Variants in RAD51D observed in about 807,000 individuals in gnomAD.
RAD51D encodes the protein DNA repair protein RAD51 homolog 4.
Under a neutral mutation model 44.1 loss-of-function variants are expected in RAD51D, and 38 were observed. The ratio of observed to expected loss-of-function variants is 0.86; its 90% CI spans 0.67 to 1.13. The LOEUF (loss-of-function observed/expected upper bound fraction) is 1.13, where lower values mean the gene tolerates loss of function less well. Among genes scored for constraint, RAD51D ranks in the 50% most tolerant of loss-of-function variants. RAD51D has a pLI of 0.00. For synonymous variants in RAD51D, 141 were observed against 166.6 expected (o/e 0.85, Z 1.18); for missense variants, 390 against 414.0 (o/e 0.94, Z 0.50).
rs1060502952 is a variant in RAD51D, at chr17:35,101,365, C to G, written c.739G>C (p.Val247Leu). ...LARDLGMAVV[V>L]TNHITRDRDS... ...CTGTCTCGAGTTATGTGGTTGGTCACCTGCAGCAGAAACAGACTTACAGAT... is the reference window on the plus strand; with the variant it reads ...CTGTCTCGAGTTATGTGGTTGGTCAGCTGCAGCAGAAACAGACTTACAGAT... The change falls in exon 9 of 10, where the codon GTG (valine) becomes CTG (leucine). Residue 247 changes from valine to leucine, a missense_variant and splice_region_variant. Transcript: ENST00000345365. 1.2e-6 allele frequency: 2 copies of G among 1,613,500 alleles called. No homozygotes were observed. Among genetic ancestry groups the G allele is most frequent in the East Asian group, 2.2e-5 (1 of 44,882 alleles).
chr17:35,118,273 A>AC (rs1195820323), intron 3 of RAD51D, among the ~76,000 whole-genome samples: 1 of 151,856 alleles, frequency 6.6e-6, no homozygotes, highest in African/African-American at 2.4e-5. Context: ...GACAGCCTCC[A>AC]CCCCCCAACA....
chr17:35,117,170 GC>G (rs2091760618), intron 3 of RAD51D: 1 of 973,212 alleles, frequency 1.0e-6, no homozygotes, highest in Non-Finnish European at 1.5e-6. Flanking sequence ...CCAACTAGAG[GC>G]CTTAAGGGCA....
chr17:35,116,255 C>A (rs983365281), intron 3 of RAD51D, among the ~76,000 whole-genome samples: 1 of 152,170 alleles, frequency 6.6e-6, no homozygotes, highest in African/African-American at 2.4e-5. Flanking sequence ...CTCTGCCACC[C>A]TTCCACCCTG....
rs1359852135 is a variant in RAD51D at position 35,097,320 on chromosome 17, A to G, written c.*3633T>C. Reference sequence around the variant, plus strand: ...TTTTTAGTAGAGACAGGGTTTCACTATATAGGCCAGGCTGGTCTTGAACTC... The same window carrying G: ...TTTTTAGTAGAGACAGGGTTTCACTGTATAGGCCAGGCTGGTCTTGAACTC... On this transcript the variant is annotated 3_prime_UTR_variant, in exon 10 of 10. Transcript: ENST00000345365. The G allele has an allele frequency of 2.0e-5, 3 of 152,148 alleles. No individual in the cohort carries two copies. Among genetic ancestry groups the G allele is most frequent in the Non-Finnish European group, 2.9e-5 (2 of 68,044 alleles). The allele number at this position is 152,148 out of a possible 1,614,324, so 9.4% of individuals were successfully genotyped here.
At chr17:35,117,749 G>A (rs138633683) in intron 3 of RAD51D, among the ~76,000 whole-genome samples, 18 of 152,218 alleles carry the variant, frequency 1.2e-4, no homozygotes, top group African/African-American at 2.9e-4. Flanking sequence ...GTGATCTGCC[G>A]CCTCAGCCTC....
chr17:35,103,365 A>G lies in RAD51D; in HGVS notation c.668-41T>C. The G allele has an allele frequency of 6.2e-7, 1 of 1,611,268 alleles. No individual in the cohort carries two copies. The highest frequency in any genetic ancestry group is 1.3e-5 in the African/African-American group (1 of 74,976). ...AAGCAGAGAGGGAGGGCAGTGGGGA[A>G]CCAGGGATGGGGCTGGCCAGAGACC... is the stretch of plus-strand genomic sequence containing the variant. On this transcript the variant is annotated intron_variant, in intron 7 of 9. Coordinates refer to ENST00000345365, the MANE Select transcript of RAD51D (RefSeq NM_002878.4). The surrounding 1 kb of genome is among the most constrained non-coding windows in gnomAD (Gnocchi z 4.1).
chr17:35,104,574 G>A (rs28363278), intron 6 of RAD51D, among the ~76,000 whole-genome samples: 1 of 152,156 alleles, frequency 6.6e-6, no homozygotes, highest in Non-Finnish European at 1.5e-5. Context: ...TAGCAGAGAC[G>A]GGGTTTTACC....
Position 35,110,371 on chromosome 17 carries a change from T to C in RAD51D, c.264-2924A>G, listed in dbSNP as rs919212758. On this transcript the variant is annotated intron_variant, in intron 3 of 9. Transcript: ENST00000345365. ...TTGTTGAATACATGGCTTGTAACTA[T>C]GTTTCCCATTCTGTACTTCTCTTTT... Among the ~76,000 whole-genome samples, 14 of 152,210 alleles carry C rather than the reference T, an allele frequency of 9.2e-5. No individual in the cohort carries two copies. In the East Asian group the frequency reaches 2.1e-3, roughly 23 times the overall value.
Position 35,103,671 on chromosome 17 carries a change from G to GGGCA in RAD51D, c.577-131_577-128dup. On this transcript the variant is annotated intron_variant, in intron 6 of 9. Coordinates refer to ENST00000345365, the MANE Select transcript of RAD51D (RefSeq NM_002878.4). The surrounding 1 kb of genome is among the most constrained non-coding windows in gnomAD (Gnocchi z 4.1). ...CCATCCCAAATACAGCAAGCTGCAC[G>GGGCA]GGCATCACAGAATGTCATCAGCAGC... 1.4e-6 allele frequency: 1 copy of GGGCA among 723,566 alleles called. No individual in the cohort carries two copies. The highest frequency in any genetic ancestry group is 2.5e-6 in the Non-Finnish European group (1 of 403,636). The allele number at this position is 723,566 out of a possible 1,614,324, so 44.8% of individuals were successfully genotyped here.
rs2091476510 is a variant in RAD51D, at chr17:35,094,679, G to C, written c.*6274C>G. ...TACAGCAGAAGGCAGCGTGCAGATG[G>C]GAAAAAATGGGTTTGGTATCAGGCA... On this transcript the variant is annotated 3_prime_UTR_variant, in exon 10 of 10. Transcript: ENST00000345365. The C allele has an allele frequency of 6.6e-6, 1 of 152,156 alleles. No individual in the cohort carries two copies. Among genetic ancestry groups the C allele is most frequent in the Non-Finnish European group, 1.5e-5 (1 of 68,028 alleles). 9.4% of individuals were successfully genotyped at this position (152,156 alleles called of 1,614,324 possible). A position where few individuals can be genotyped will look rare whatever the true frequency, so the allele number is the denominator to read the frequency against.
chr17:35,105,101 G>C (rs2091583464), intron 6 of RAD51D: 1 of 152,140 alleles, frequency 6.6e-6, no homozygotes, highest in South Asian at 2.1e-4. Flanking sequence ...ACAGTCTTCT[G>C]ATCTGGAATT....
intron 8 of RAD51D, among the ~76,000 whole-genome samples, chr17:35,102,930 C>T (rs965752274): frequency 2.4e-4 from 36 of 152,086 alleles, no homozygotes; most frequent in African/African-American, 8.2e-4. Context: ...CCTGGGGGAC[C>T]TTTTGGTGGG....
At position 35,099,866 on chromosome 17, in the gene RAD51D, C is replaced by T. The variant is rs560391189; in HGVS notation, c.*1087G>A. 2.9e-5 allele frequency: 15 copies of T among 511,958 alleles called. No homozygotes were observed. Among genetic ancestry groups the T allele is most frequent in the African/African-American group, 5.7e-5 (3 of 52,712 alleles). The allele number at this position is 511,958 out of a possible 1,614,324, so 31.7% of individuals were successfully genotyped here. On this transcript the variant is annotated 3_prime_UTR_variant, in exon 10 of 10. Transcript: ENST00000345365. ...CCCAGCCAGGGTCATGGCTCTCAGA[C>T]GGATGGCCACAGTGCTGGTGAAAGA... is the stretch of plus-strand genomic sequence containing the variant.
intron 3 of RAD51D, chr17:35,116,754 A>C (rs2091753273): frequency 1.2e-6 from 1 of 854,932 alleles, no homozygotes; most frequent in Admixed American, 2.1e-5. Flanking sequence ...TCAGCCTCCC[A>C]AAGTGCTGTG....
Position 35,103,538 on chromosome 17 carries a change from C to A in RAD51D, c.583G>T (p.Gly195Cys), listed in dbSNP as rs1567726625. The A allele has an allele frequency of 6.2e-7, 1 of 1,613,880 alleles. No homozygotes were observed. The highest frequency in any genetic ancestry group is 1.1e-5 in the South Asian group (1 of 91,060). The change falls in exon 7 of 10, where the codon GGT becomes TGT. Residue 195 changes from glycine (G) to cysteine (C), a missense_variant. Physicochemically the swap from Gly to Cys is radical, Grantham distance 159. Coordinates refer to ENST00000345365, the MANE Select transcript of RAD51D (RefSeq NM_002878.4). This position sits in a 1 kb window ranked among gnomAD's most constrained non-coding sequence, Gnocchi z 4.1. ...LRGTVAQQVT[G>C]SSGTVKVVVV... ...ACCACCTTCACAGTTCCTGAAGAAC[C>A]AGTCACCTGAAGGAATGTGGGGGAA...
rs2091794399 is a variant in RAD51D at position 35,119,399 on chromosome 17, C to G, written c.82+133G>C. ...CCCCACGCCCACCCTTCCTGAGCCT[C>G]TCCAGAAGCGCGGCCCTCTAGGAAT... is the stretch of plus-strand genomic sequence containing the variant. On this transcript the variant is annotated intron_variant, in intron 1 of 9. Transcript: ENST00000345365. 5 of 1,136,964 alleles carry G rather than the reference C, an allele frequency of 4.4e-6. No homozygotes were observed. The Admixed American group carries it at 5.1e-5, about 12-fold the overall frequency. The allele number at this position is 1,136,964 out of a possible 1,614,324, so 70.4% of individuals were successfully genotyped here.
At chr17:35,105,679 C>A (rs1449402743) in intron 6 of RAD51D, among the ~76,000 whole-genome samples, 1 of 152,162 alleles carries the variant, frequency 6.6e-6, no homozygotes, top group South Asian at 2.1e-4. Flanking sequence ...AAATGCCATT[C>A]TAAATCCTTC....
chr17:35,104,666 G>A (rs981816347), intron 6 of RAD51D, among the ~76,000 whole-genome samples: 1 of 152,152 alleles, frequency 6.6e-6, no homozygotes, highest in Non-Finnish European at 1.5e-5. Flanking sequence ...TTACAGGCAT[G>A]AGCCACCAAG....
chr17:35,093,259 A>C lies in RAD51D; in HGVS notation c.*7694T>G, dbSNP rs1288878405. The C allele has an allele frequency of 6.6e-6, 1 of 152,208 alleles. No homozygotes were observed. The highest frequency in any genetic ancestry group is 1.5e-5 in the Non-Finnish European group (1 of 68,036). 9.4% of individuals were successfully genotyped at this position (152,208 alleles called of 1,614,324 possible). A position where few individuals can be genotyped will look rare whatever the true frequency, so the allele number is the denominator to read the frequency against. On this transcript the variant is annotated 3_prime_UTR_variant, in exon 10 of 10. Transcript: ENST00000345365. Reference sequence around the variant, plus strand: ...TCCCATTTCACGGTGGATGAAACTAAGGCTTAAAGAGACTGTTATTCATCC... The same window carrying C: ...TCCCATTTCACGGTGGATGAAACTACGGCTTAAAGAGACTGTTATTCATCC...
Sources: allele counts gnomAD v4.1 joint callset (sites outside exome capture counted in the v4.1 genomes callset), GRCh38; gene constraint gnomAD v4.1.1; non-coding constraint Gnocchi (gnomAD v3.1); transcripts MANE v1.5; gene names NCBI Gene and HGNC (gene_info 2026-07-23, HGNC 2026-07-21).